Variants in CNBD1 observed in about 807,000 individuals in gnomAD.
The protein encoded by CNBD1 is cyclic nucleotide-binding domain-containing protein 1.
Under a neutral mutation model 54.4 loss-of-function variants are expected in CNBD1, and 71 were observed. The observed-to-expected ratio is 1.30, with a 90% CI of 1.08 to 1.59. The LOEUF (loss-of-function observed/expected upper bound fraction) is 1.59. Ranked by LOEUF, CNBD1 falls within the 40% of genes most tolerant of loss-of-function variation. The probability of loss-of-function intolerance (pLI) is 0.00; values close to 1 mark genes in which losing one functional copy is unlikely to be tolerated. For synonymous variants in CNBD1, 182 were observed against 170.7 expected, an observed-to-expected ratio of 1.07 and a Z score of -0.51; for missense variants, 659 against 518.0, an observed-to-expected ratio of 1.27 and a Z score of -2.64.
At chr8:87,367,970 T>C (rs1810676837) in intron 10 of CNBD1, among the ~76,000 whole-genome samples, 1 of 151,972 alleles carries the variant, frequency 6.6e-6, no homozygotes, top group African/African-American at 2.4e-5. Flanking sequence ...AGGAGTTTGA[T>C]TACCAACATG....
intron 8 of CNBD1, among the ~76,000 whole-genome samples, chr8:87,298,349 T>G (rs4639532): frequency 0.37 from 55,983 of 151,844 alleles, 10,655 homozygotes; most frequent in Middle Eastern, 0.46. Flanking sequence ...CAAAGCGCGA[T>G]GGAAGACTTA....
At chr8:86,918,824 G>T (rs998911948) in intron 3 of CNBD1, among the ~76,000 whole-genome samples, 7 of 151,126 alleles carry the variant, frequency 4.6e-5, no homozygotes, top group African/African-American at 7.3e-5. Context: ...AAAGATTTAG[G>T]GAGTAAAAGT....
intron 1 of CNBD1, among the ~76,000 whole-genome samples, chr8:86,870,329 C>T (rs1391906596): frequency 2.0e-5 from 3 of 151,612 alleles, no homozygotes; most frequent in African/African-American, 7.3e-5. Flanking sequence ...TCTGGGACTA[C>T]AGTATATGTT....
At chr8:86,943,824 G>A (rs77842398) in intron 4 of CNBD1, among the ~76,000 whole-genome samples, 2,386 of 152,098 alleles carry the variant, frequency 0.016, 72 homozygotes, top group African/African-American at 0.055. Flanking sequence ...AAAAGGGAAG[G>A]GGGGACAGAT....
intron 4 of CNBD1, among the ~76,000 whole-genome samples, chr8:87,026,029 T>C (rs1386425174): frequency 6.6e-6 from 1 of 152,332 alleles, no homozygotes; most frequent in Middle Eastern, 3.4e-3. Context: ...TGTTTTAAAA[T>C]AGGTTTATGG....
In CNBD1 at chr8:87,148,394, T is replaced by G. The variant is rs1025821096; in HGVS notation, c.432-57599T>G. Among the ~76,000 whole-genome samples the G allele has an allele frequency of 5.9e-4, 90 of 152,178 alleles. 1 individual carries two copies. The highest frequency in any genetic ancestry group is 1.1e-3 in the Non-Finnish European group (76 of 68,032). ...TGTGTACAAAATTATACTTTTAAAT[T>G]TGGTGATTTACCATGGCAAATCCTA... is the stretch of plus-strand genomic sequence containing the variant. On this transcript the variant is annotated intron_variant, in intron 4 of 10. Transcript: ENST00000518476.
chr8:86,996,356 A>G (rs1412307885), intron 4 of CNBD1, among the ~76,000 whole-genome samples: 1 of 152,200 alleles, frequency 6.6e-6, no homozygotes, highest in African/African-American at 2.4e-5. Flanking sequence ...AATGCTGAGG[A>G]TGCTGAGAAT....
At chr8:87,344,821 CAA>C (rs1393632616) in intron 8 of CNBD1, among the ~76,000 whole-genome samples, 3 of 152,092 alleles carry the variant, frequency 2.0e-5, no homozygotes, top group Non-Finnish European at 4.4e-5. Flanking sequence ...ATCTCTGAAA[CAA>C]TGCTGCTTAA....
chr8:87,175,137 G>T (rs962988589), intron 4 of CNBD1, among the ~76,000 whole-genome samples: 1 of 152,132 alleles, frequency 6.6e-6, no homozygotes, highest in Admixed American at 6.5e-5. Flanking sequence ...AGCCAACTAG[G>T]CTTGTTTCCT....
intron 5 of CNBD1, among the ~76,000 whole-genome samples, chr8:87,234,117 C>A (rs2130823466): frequency 6.6e-6 from 1 of 152,280 alleles, no homozygotes; most frequent in Non-Finnish European, 1.5e-5. Flanking sequence ...TAAGTAAGCT[C>A]TACTTTTAAT....
intron 4 of CNBD1, among the ~76,000 whole-genome samples, chr8:87,194,291 A>AAAGC (rs1346352250): frequency 6.6e-6 from 1 of 152,180 alleles, no homozygotes; most frequent in Admixed American, 6.5e-5. Flanking sequence ...TGACACTTGA[A>AAAGC]AAGCAGGTAG....
At chr8:86,983,221 A>C (rs1808527186) in intron 4 of CNBD1, among the ~76,000 whole-genome samples, 1 of 152,162 alleles carries the variant, frequency 6.6e-6, no homozygotes, top group Non-Finnish European at 1.5e-5. Flanking sequence ...GGTTTTAAAA[A>C]GGGGAGTTTC....
At chr8:87,373,179 A>C (rs549996437) in intron 10 of CNBD1, among the ~76,000 whole-genome samples, 23 of 151,784 alleles carry the variant, frequency 1.5e-4, no homozygotes, top group Non-Finnish European at 3.1e-4. Context: ...CTCTCAAGAA[A>C]AAAAGCAAAT....
chr8:87,055,515 G>GC (rs1810396001), intron 4 of CNBD1, among the ~76,000 whole-genome samples: 1 of 151,834 alleles, frequency 6.6e-6, no homozygotes, highest in Non-Finnish European at 1.5e-5. Context: ...TTTCCTGGGA[G>GC]CCCACTAATT....
intron 4 of CNBD1, among the ~76,000 whole-genome samples, chr8:87,045,379 T>C (rs1291391202): frequency 6.6e-6 from 1 of 152,274 alleles, no homozygotes; most frequent in East Asian, 1.9e-4. Flanking sequence ...TCTTAATGTG[T>C]CAATGATTCT....
At chr8:87,210,604 G>A (rs1272819803) in intron 5 of CNBD1, among the ~76,000 whole-genome samples, 1 of 152,114 alleles carries the variant, frequency 6.6e-6, no homozygotes, top group African/African-American at 2.4e-5. Context: ...ACTCAAAGGG[G>A]CCCATATATA....
chr8:87,322,224 T>G (rs1391294969), intron 8 of CNBD1, among the ~76,000 whole-genome samples: 3 of 123,394 alleles, frequency 2.4e-5, no homozygotes, highest in Admixed American at 2.4e-4. Context: ...TTGGGTTGTT[T>G]CCAAGTCTTT....
chr8:86,920,702 A>G (rs1206707160), intron 3 of CNBD1, among the ~76,000 whole-genome samples: 1 of 152,168 alleles, frequency 6.6e-6, no homozygotes, highest in African/African-American at 2.4e-5. Flanking sequence ...AAAGCTGTCA[A>G]AGTACGTTTT....
chr8:87,252,237 T>G (rs1420181327), intron 6 of CNBD1, among the ~76,000 whole-genome samples: 1 of 152,196 alleles, frequency 6.6e-6, no homozygotes, highest in Non-Finnish European at 1.5e-5. Context: ...TTAGGTTTAC[T>G]TAAATGAGAA....
Sources: allele counts gnomAD v4.1 joint callset (sites outside exome capture counted in the v4.1 genomes callset), GRCh38; gene constraint gnomAD v4.1.1; transcripts MANE v1.5; gene names NCBI Gene and HGNC (gene_info 2026-07-23, HGNC 2026-07-21).